NPAS3: variants seen among roughly 807,000 people sequenced by gnomAD.
NPAS3 encodes the protein neuronal PAS domain-containing protein 3.
In NPAS3, 14 loss-of-function variants were observed where a neutral mutation model predicts 73.1. The observed-to-expected ratio is 0.19, with a 90% CI of 0.13 to 0.30. The LOEUF is 0.30. Among genes scored for constraint, NPAS3 ranks in the 10% least tolerant of loss-of-function variants. NPAS3 has a pLI of 1.00. For missense variants in NPAS3, 1,096 were observed against 1,250.0 expected, an observed-to-expected ratio of 0.88 and a Z score of 1.86; for synonymous variants, 620 against 541.5, an observed-to-expected ratio of 1.14 and a Z score of -2.01.
chr14:33,066,291 G>A (rs1252204974), intron 2 of NPAS3, among the ~76,000 whole-genome samples: 21 of 152,176 alleles, frequency 1.4e-4, no homozygotes, highest in Admixed American at 1.4e-3. Flanking sequence ...CAGCGGAGAT[G>A]AGGATGGAAG....
chr14:33,242,534 C>A (rs997995200), intron 3 of NPAS3, among the ~76,000 whole-genome samples: 3 of 152,068 alleles, frequency 2.0e-5, no homozygotes, highest in East Asian at 1.9e-4. Flanking sequence ...AATCATTTTT[C>A]ATTCATAGCC....
chr14:33,582,304 T>G (rs2056696114), intron 5 of NPAS3: 1 of 152,216 alleles, frequency 6.6e-6, no homozygotes, highest in South Asian at 2.1e-4. Context: ...TATAAGAGAT[T>G]TTCATAATGT....
intron 4 of NPAS3, among the ~76,000 whole-genome samples, chr14:33,457,556 CACTT>C (rs1239791212): frequency 1.3e-5 from 2 of 152,322 alleles, no homozygotes; most frequent in South Asian, 2.1e-4. Flanking sequence ...CCCAGAAACT[CACTT>C]ACAGTAGGAT....
chr14:33,682,365 T>A (rs941289181), intron 6 of NPAS3, among the ~76,000 whole-genome samples: 12 of 152,196 alleles, frequency 7.9e-5, no homozygotes, highest in African/African-American at 2.9e-4. Flanking sequence ...CTACTAATCC[T>A]TTTGTGTAAC....
At chr14:33,255,814 G>A (rs2048759489) in intron 3 of NPAS3, among the ~76,000 whole-genome samples, 1 of 152,148 alleles carries the variant, frequency 6.6e-6, no homozygotes, top group Non-Finnish European at 1.5e-5. Flanking sequence ...ATTTATTGAG[G>A]ATTGATGGTC....
chr14:33,192,917 A>C (rs1234191183), intron 2 of NPAS3, among the ~76,000 whole-genome samples: 1 of 152,174 alleles, frequency 6.6e-6, no homozygotes, highest in Non-Finnish European at 1.5e-5. Flanking sequence ...TTTACATTTT[A>C]GCTTACTTGT....
chr14:33,234,355 C>T (rs553741506), intron 3 of NPAS3, among the ~76,000 whole-genome samples: 163 of 152,142 alleles, frequency 1.1e-3, no homozygotes, highest in African/African-American at 3.9e-3. Context: ...TTTACGCATG[C>T]AAATAGGAAT....
At chr14:33,201,528 T>C (rs2046616268) in intron 2 of NPAS3, among the ~76,000 whole-genome samples, 1 of 152,178 alleles carries the variant, frequency 6.6e-6, no homozygotes, top group Non-Finnish European at 1.5e-5. Flanking sequence ...GATGAATATC[T>C]CAGCCCAAAC....
At chr14:33,361,880 C>T (rs1013499326) in intron 3 of NPAS3, among the ~76,000 whole-genome samples, 7 of 151,972 alleles carry the variant, frequency 4.6e-5, no homozygotes, top group African/African-American at 1.2e-4. Flanking sequence ...TGATTAATCA[C>T]GTGCCCAATT....
At chr14:33,577,445 G>C (rs888063301) in intron 5 of NPAS3, among the ~76,000 whole-genome samples, 1 of 152,250 alleles carries the variant, frequency 6.6e-6, no homozygotes, top group East Asian at 1.9e-4. Flanking sequence ...TATAAAGAGG[G>C]GGGAGGTTTC....
intron 7 of NPAS3, among the ~76,000 whole-genome samples, chr14:33,740,202 A>G (rs2061622245): frequency 6.6e-6 from 1 of 152,182 alleles, no homozygotes; most frequent in African/African-American, 2.4e-5. Flanking sequence ...GAACTTCACA[A>G]TAATCATTTT....
At chr14:33,720,816 G>GT (rs2061087389) in intron 6 of NPAS3, among the ~76,000 whole-genome samples, 1 of 152,118 alleles carries the variant, frequency 6.6e-6, no homozygotes, top group Non-Finnish European at 1.5e-5. Context: ...GATTCTGACA[G>GT]TTTTTTAAAG....
rs531833985 is a variant in NPAS3, at chr14:33,294,197, C to G, written c.386-72989C>G. Among the ~76,000 whole-genome samples, 6 of 152,316 alleles carry G rather than the reference C, an allele frequency of 3.9e-5. No individual in the cohort carries two copies. The East Asian group carries it at 5.8e-4, about 15-fold the overall frequency. On this transcript the variant is annotated intron_variant, in intron 3 of 11. Coordinates refer to ENST00000356141, the Ensembl canonical transcript of NPAS3. ...AGACGTATTACCTTGAAGCCATGGT[C>G]TTCCCTTGGACTGCCTCCCTAGCTT...
intron 3 of NPAS3, among the ~76,000 whole-genome samples, chr14:33,259,371 T>C (rs1306459614): frequency 6.6e-6 from 1 of 152,228 alleles, no homozygotes; most frequent in Non-Finnish European, 1.5e-5. Flanking sequence ...ATTAGATGAT[T>C]CACAAACTAA....
chr14:33,524,245 T>A (rs1033514505), intron 4 of NPAS3, among the ~76,000 whole-genome samples: 1 of 152,158 alleles, frequency 6.6e-6, no homozygotes, highest in Non-Finnish European at 1.5e-5. Context: ...TACTTAAGTC[T>A]TAACTGCATA....
intron 5 of NPAS3, among the ~76,000 whole-genome samples, chr14:33,615,911 A>G (rs969797163): frequency 1.3e-5 from 2 of 152,200 alleles, no homozygotes; most frequent in African/African-American, 4.8e-5. Flanking sequence ...TTATGGCAGT[A>G]CGTTCTTTGG....
intron 5 of NPAS3, among the ~76,000 whole-genome samples, chr14:33,639,706 T>TCATGTTC (rs1201803185): frequency 6.6e-6 from 1 of 152,224 alleles, no homozygotes; most frequent in Admixed American, 6.5e-5. Flanking sequence ...ATAAAGCTTT[T>TCATGTTC]CATGTTCATA....
At chr14:33,160,401 G>A (rs1030262887) in intron 2 of NPAS3, among the ~76,000 whole-genome samples, 1 of 145,672 alleles carries the variant, frequency 6.9e-6, no homozygotes, top group African/African-American at 2.5e-5. Flanking sequence ...CACATTTAGT[G>A]AAAAAACTCT....
In NPAS3 at chr14:33,147,026, A is replaced by G. The variant is rs563094766; in HGVS notation, c.141-68156A>G. The stretch of plus-strand genomic sequence containing the variant: ...TAATCACTTCCTAATTTATATGTGG[A>G]GCAAGTTAAGATTTTTGTATGTCAG... On this transcript the variant is annotated intron_variant, in intron 2 of 11. Coordinates refer to ENST00000356141, the Ensembl canonical transcript of NPAS3. Among the ~76,000 whole-genome samples the G allele has an allele frequency of 3.9e-5, 6 of 152,272 alleles. No individual in the cohort carries two copies. The South Asian group carries it at 1.2e-3, about 32-fold the overall frequency.
Sources: allele counts gnomAD v4.1 joint callset (sites outside exome capture counted in the v4.1 genomes callset), GRCh38; gene constraint gnomAD v4.1.1; transcripts MANE v1.5; gene names NCBI Gene and HGNC (gene_info 2026-07-23, HGNC 2026-07-21).